CACNB2: variants seen among roughly 807,000 people sequenced by gnomAD.
CACNB2 encodes voltage-dependent L-type calcium channel subunit beta-2.
A neutral mutation model predicts 73.3 loss-of-function variants in CACNB2; 42 were observed. The observed-to-expected ratio is 0.57, with a 90% CI of 0.45 to 0.74. The LOEUF (loss-of-function observed/expected upper bound fraction) is 0.74, where lower values mean the gene tolerates loss of function less well. Among genes scored for constraint, CACNB2 ranks in the 30% least tolerant of loss-of-function variants. The pLI is 0.00. For synonymous variants in CACNB2, 348 were observed against 310.3 expected, an observed-to-expected ratio of 1.12 and a Z score of -1.28; for missense variants, 940 against 853.0, an observed-to-expected ratio of 1.10 and a Z score of -1.27.
At chr10:18,254,098 T>C (rs1467683336) in intron 2 of CACNB2, among the ~76,000 whole-genome samples, 1 of 152,202 alleles carries the variant, frequency 6.6e-6, no homozygotes, top group African/African-American at 2.4e-5. Context: ...TGGCTTTGGT[T>C]ATGAGAGAAT....
chr10:18,518,284 T>C (rs914551878), intron 7 of CACNB2, 52 bp from the exon 8 acceptor site: 60 of 1,221,858 alleles, frequency 4.9e-5, no homozygotes, highest in Non-Finnish European at 6.7e-5. Context: ...ACACAAAATA[T>C]TTATGTTCTA....
chr10:18,395,283 C>T (rs1005784982), intron 2 of CACNB2, among the ~76,000 whole-genome samples: 5 of 152,316 alleles, frequency 3.3e-5, no homozygotes, highest in Admixed American at 3.3e-4. Flanking sequence ...CTTCTCAATG[C>T]GTTGCAGGGC....
At chr10:18,496,203 A>AAAAT (rs2049804034) in intron 3 of CACNB2, among the ~76,000 whole-genome samples, 1 of 151,624 alleles carries the variant, frequency 6.6e-6, no homozygotes, top group Non-Finnish European at 1.5e-5. Context: ...AAAAAAAAAA[A>AAAAT]AAATTACAGT....
intron 2 of CACNB2, among the ~76,000 whole-genome samples, chr10:18,343,431 A>C (rs538245398): frequency 3.3e-5 from 5 of 152,242 alleles, no homozygotes; most frequent in Admixed American, 2.0e-4. Flanking sequence ...TAATGGTGTG[A>C]TTTGGCAGAT....
chr10:18,289,288 TTTTGTTTTG>T (rs869225346), intron 2 of CACNB2, among the ~76,000 whole-genome samples: 7,436 of 68,466 alleles, frequency 0.11, 1,106 homozygotes, highest in African/African-American at 0.3. Flanking sequence ...TTTCTTGTTT[TTTTGTTTTG>T]TTTTTTTTTT....
At chr10:18,514,199 CT>C in intron 6 of CACNB2, 36 bp from the exon 7 acceptor site, 1 of 1,610,972 alleles carries the variant, frequency 6.2e-7, no homozygotes, top group East Asian at 2.2e-5. Flanking sequence ...TATTTTTCCT[CT>C]CCTGTCCACC....
At chr10:18,353,396 C>G (rs2041791663) in intron 2 of CACNB2, among the ~76,000 whole-genome samples, 1 of 141,168 alleles carries the variant, frequency 7.1e-6, no homozygotes, top group African/African-American at 2.7e-5. Context: ...GGCAACAGAG[C>G]AAGACTCTGT....
At chr10:18,152,728 A>AAAC (rs1564298389) in intron 2 of CACNB2, among the ~76,000 whole-genome samples, 11 of 115,352 alleles carry the variant, frequency 9.5e-5, no homozygotes, top group Non-Finnish European at 5.0e-5. Context: ...AAAAAAAAAA[A>AAAC]AAAACAAAAA....
chr10:18,295,998 GTTTTTTTTTTTTTT>G (rs34043231), intron 2 of CACNB2, among the ~76,000 whole-genome samples: 1 of 60,760 alleles, frequency 1.6e-5, no homozygotes, highest in South Asian at 8.9e-4. Flanking sequence ...CTTTTTGCGT[GTTTTTTTTTTTTTT>G]TTTTTTTTTT....
rs57139534 is a variant in CACNB2, at chr10:18,496,185, C to CAAAAAAAAAAAA, written c.334-2160_334-2149dup. Among the ~76,000 whole-genome samples, 8 of 84,072 alleles carry CAAAAAAAAAAAA rather than the reference C, an allele frequency of 9.5e-5. 1 individual carries two copies. The East Asian group carries it at 2.3e-3, about 24-fold the overall frequency. The allele number at this position is 84,072 out of a possible 152,430, so 55.2% of individuals were successfully genotyped here. On this transcript the variant is annotated intron_variant, in intron 3 of 13. Transcript: ENST00000324631. Reference sequence around the variant, plus strand: ...TGGGCATCACAGTGAGACTCAGTCTCAAAAAAAAAAAAAAAAAAAAATTAC... The same window carrying CAAAAAAAAAAAA: ...TGGGCATCACAGTGAGACTCAGTCTCAAAAAAAAAAAAAAAAAAAAAAAAAAAAAAAAATTAC...
intron 3 of CACNB2, among the ~76,000 whole-genome samples, chr10:18,431,593 T>G (rs2045891557): frequency 1.3e-5 from 2 of 152,150 alleles, no homozygotes; most frequent in Non-Finnish European, 2.9e-5. Flanking sequence ...GCTTTTTCCC[T>G]TTAAGAGCTT....
At chr10:18,178,955 G>A (rs566884686) in intron 2 of CACNB2, among the ~76,000 whole-genome samples, 1 of 152,170 alleles carries the variant, frequency 6.6e-6, no homozygotes, top group Admixed American at 6.5e-5. Flanking sequence ...TAGAGCAGAA[G>A]TTGGGTCTAT....
In CACNB2 at chr10:18,543,546, T is replaced by C. The variant is rs909045916; in HGVS notation, c.*3822T>C. ...TATTAAATGTTAAAATATATATTAA[T>C]TTTCCCTCACATTTCCCTGATTTTT... On this transcript the variant is annotated 3_prime_UTR_variant, in exon 14 of 14. Coordinates refer to ENST00000324631, the MANE Select transcript of CACNB2 (RefSeq NM_201596.3). 1 of 152,208 alleles carries C rather than the reference T, an allele frequency of 6.6e-6. No individual in the cohort carries two copies. Among genetic ancestry groups the C allele is most frequent in the African/African-American group, 2.4e-5 (1 of 41,452 alleles). The allele number at this position is 152,208 out of a possible 1,614,324, so 9.4% of individuals were successfully genotyped here.
intron 3 of CACNB2, among the ~76,000 whole-genome samples, chr10:18,430,112 C>A (rs1477465769): frequency 7.2e-6 from 1 of 138,862 alleles, no homozygotes; most frequent in East Asian, 2.2e-4. Flanking sequence ...TTTACTTAAG[C>A]AGAAAATCAA....
chr10:18,453,730 A>C (rs1264742201), intron 3 of CACNB2, among the ~76,000 whole-genome samples: 2 of 152,132 alleles, frequency 1.3e-5, no homozygotes, highest in African/African-American at 4.8e-5. Context: ...CCCAGGTTCA[A>C]ATGATTCTTG....
At chr10:18,286,380 C>T (rs113491314) in intron 2 of CACNB2, among the ~76,000 whole-genome samples, 3,300 of 151,682 alleles carry the variant, frequency 0.022, 49 homozygotes, top group Middle Eastern at 0.031. Context: ...TAGCCAGGCG[C>T]GGTGGCGGGC....
intron 2 of CACNB2, among the ~76,000 whole-genome samples, chr10:18,170,448 T>A (rs747816409): frequency 2.0e-4 from 31 of 152,218 alleles, no homozygotes; most frequent in Non-Finnish European, 1.9e-4. Flanking sequence ...TAGAAGTGGA[T>A]TCCTGATGGC....
intron 3 of CACNB2, among the ~76,000 whole-genome samples, chr10:18,481,278 G>T (rs1450076016): frequency 1.2e-5 from 1 of 84,904 alleles, no homozygotes; most frequent in East Asian, 4.1e-4. Flanking sequence ...ACAGAGTCTT[G>T]CTCTGTCTCC....
chr10:18,170,752 G>A (rs982968040), intron 2 of CACNB2, among the ~76,000 whole-genome samples: 1 of 152,120 alleles, frequency 6.6e-6, no homozygotes, highest in African/African-American at 2.4e-5. Flanking sequence ...CAGTTATGTT[G>A]GTTTTAGAAA....
Sources: gnomAD v4.1 joint callset for allele counts (sites outside exome capture counted in the v4.1 genomes callset) on GRCh38, gnomAD v4.1.1 for gene constraint, MANE v1.5 for transcripts, NCBI Gene and HGNC (gene_info 2026-07-23, HGNC 2026-07-21) for gene names.